Variants in SLC44A5 observed in about 807,000 individuals in gnomAD.
The protein encoded by SLC44A5 is solute carrier family 44 member 5, also known as choline transporter-like protein 5.
SLC44A5 carries 57 observed loss-of-function variants against 101.8 expected under a neutral mutation model. That is an observed-to-expected ratio of 0.56 (90% CI 0.45 to 0.70). The LOEUF is 0.70. Ranked by LOEUF, SLC44A5 falls within the 30% of genes least tolerant of loss-of-function variation. SLC44A5 has a pLI of 0.00. For missense variants in SLC44A5, 737 were observed against 853.1 expected (o/e 0.86, Z 1.70); for synonymous variants, 281 against 290.9 (o/e 0.97, Z 0.35).
At chr1:75,222,491 A>C in intron 13 of SLC44A5, 31 bp from the exon 14 acceptor site, 1 of 1,374,604 alleles carries the variant, frequency 7.3e-7, no homozygotes, top group Non-Finnish European at 1.0e-6. Flanking sequence ...ATCAGTCTGT[A>C]ATACAAGTAG....
At chr1:75,287,426 CTTTTTTTTT>C (rs371647505) in intron 5 of SLC44A5, among the ~76,000 whole-genome samples, 8 of 69,910 alleles carry the variant, frequency 1.1e-4, no homozygotes, top group South Asian at 1.2e-3. Flanking sequence ...CTTCTGAATT[CTTTTTTTTT>C]TTTTTTTTTT....
chr1:75,224,118 C>A (rs574856120), intron 13 of SLC44A5, among the ~76,000 whole-genome samples: 2 of 152,262 alleles, frequency 1.3e-5, no homozygotes, highest in African/African-American at 4.8e-5. Context: ...TATAAAATGC[C>A]AGTCCTGTAA....
intron 2 of SLC44A5, among the ~76,000 whole-genome samples, chr1:75,408,909 T>A (rs952206265): frequency 6.6e-6 from 1 of 152,136 alleles, no homozygotes; most frequent in African/African-American, 2.4e-5. Flanking sequence ...ACTTGTTGAA[T>A]GTTAATGCCT....
At chr1:75,258,153 T>G (rs1049094812) in intron 6 of SLC44A5, among the ~76,000 whole-genome samples, 2 of 152,080 alleles carry the variant, frequency 1.3e-5, no homozygotes, top group African/African-American at 2.4e-5. Context: ...CAGTTTTTTT[T>G]CATACCCCAG....
chr1:75,471,160 G>C (rs149770159), intron 2 of SLC44A5, among the ~76,000 whole-genome samples: 45 of 152,088 alleles, frequency 3.0e-4, no homozygotes, highest in African/African-American at 1.0e-3. Flanking sequence ...CGGCCTGGCT[G>C]TGTTTCTTTG....
chr1:75,638,222 A>T, the SLC44A5 span, among the ~76,000 whole-genome samples: 15 of 152,212 alleles, frequency 9.9e-5, no homozygotes, highest in Non-Finnish European at 1.5e-4. Flanking sequence ...GTACGATTAA[A>T]GCAAGTTTCA....
chr1:75,213,011 G>A lies in SLC44A5; in HGVS notation c.1962+694C>T, dbSNP rs117325656. Reference sequence around the variant, plus strand: ...TACCCTCGTGCAGGGGTCAGTTCATGACCAAAAACTGCCTGATGCAGCATA... The same window carrying A: ...TACCCTCGTGCAGGGGTCAGTTCATAACCAAAAACTGCCTGATGCAGCATA... On this transcript the variant is annotated intron_variant, in intron 22 of 23. Coordinates refer to ENST00000370859, the MANE Select transcript of SLC44A5 (RefSeq NM_001130058.2). Among the ~76,000 whole-genome samples, 52 of 152,230 alleles carry A rather than the reference G, an allele frequency of 3.4e-4. 1 individual carries two copies. The East Asian group carries it at 0.01, about 29-fold the overall frequency.
chr1:75,256,331 G>A (rs557398105), intron 6 of SLC44A5, among the ~76,000 whole-genome samples: 1 of 152,112 alleles, frequency 6.6e-6, no homozygotes, highest in South Asian at 2.1e-4. Context: ...GATTGAGATG[G>A]CAGAAAAGCA....
intron 10 of SLC44A5, 83 bp from the exon 11 acceptor site, chr1:75,237,153 G>T (rs2100583158): frequency 1.3e-6 from 1 of 783,200 alleles, no homozygotes. Context: ...AAGGGATTCT[G>T]CAAGGTGCTG....
chr1:75,500,076 G>T (rs951877963), intron 2 of SLC44A5, among the ~76,000 whole-genome samples: 2 of 152,204 alleles, frequency 1.3e-5, no homozygotes, highest in African/African-American at 4.8e-5. Context: ...ATGGCCATGT[G>T]TAGCACAGTC....
At chr1:75,714,679 G>A in the SLC44A5 span, among the ~76,000 whole-genome samples, 7 of 152,108 alleles carry the variant, frequency 4.6e-5, no homozygotes, top group Non-Finnish European at 1.0e-4. Flanking sequence ...AAAATCAGTA[G>A]TATTTTCTTT....
the SLC44A5 span, among the ~76,000 whole-genome samples, chr1:75,705,232 T>C: frequency 6.6e-6 from 1 of 152,224 alleles, no homozygotes; most frequent in Non-Finnish European, 1.5e-5. Context: ...TGTCCAATCA[T>C]AAGAGTGATC....
At chr1:75,500,234 C>G (rs1668883777) in intron 2 of SLC44A5, among the ~76,000 whole-genome samples, 2 of 152,158 alleles carry the variant, frequency 1.3e-5, no homozygotes, top group Non-Finnish European at 2.9e-5. Flanking sequence ...CTATCACAAT[C>G]AATACTGAAA....
intron 2 of SLC44A5, among the ~76,000 whole-genome samples, chr1:75,401,173 A>C (rs1262600761): frequency 2.6e-5 from 4 of 152,222 alleles, no homozygotes; most frequent in Non-Finnish European, 5.9e-5. Context: ...TAGGGCAAGA[A>C]ATGGAACCAG....
intron 1 of SLC44A5, among the ~76,000 whole-genome samples, chr1:75,583,237 G>A (rs1466097946): frequency 1.3e-5 from 2 of 152,064 alleles, no homozygotes; most frequent in African/African-American, 4.8e-5. Context: ...TCTGAATCCT[G>A]GGAGATGGCA....
chr1:75,616,938 T>A, the SLC44A5 span, among the ~76,000 whole-genome samples: 1 of 152,166 alleles, frequency 6.6e-6, no homozygotes, highest in African/African-American at 2.4e-5. Flanking sequence ...GCCACGTTCT[T>A]TCTCTCTCTG....
At chr1:75,410,121 T>C (rs935479996) in intron 2 of SLC44A5, among the ~76,000 whole-genome samples, 1 of 152,130 alleles carries the variant, frequency 6.6e-6, no homozygotes, top group African/African-American at 2.4e-5. Flanking sequence ...ATAGAGAGTA[T>C]ATGTTATATA....
At position 75,214,689 on chromosome 1, in the gene SLC44A5, C is replaced by T. The variant is rs781146858; in HGVS notation, c.1729-11G>A. 6.2e-7 allele frequency: 1 copy of T among 1,608,338 alleles called. No individual in the cohort carries two copies. Among genetic ancestry groups the T allele is most frequent in the Non-Finnish European group, 8.5e-7 (1 of 1,176,650 alleles). The stretch of plus-strand genomic sequence containing the variant: ...GCCATATATTGCAATCTGAGGAAGA[C>T]AGTGGCTATTATTCTGGAGCCAGTA... On this transcript the variant is annotated splice_polypyrimidine_tract_variant and intron_variant, in intron 19 of 23. Coordinates refer to ENST00000370859, the MANE Select transcript of SLC44A5 (RefSeq NM_001130058.2).
the SLC44A5 span, among the ~76,000 whole-genome samples, chr1:75,721,689 A>G: frequency 6.6e-6 from 1 of 152,262 alleles, no homozygotes; most frequent in South Asian, 2.1e-4. Flanking sequence ...TACAAAATCT[A>G]GAGGTACAAA....
Sources: allele counts gnomAD v4.1 joint callset (sites outside exome capture counted in the v4.1 genomes callset), GRCh38; gene constraint gnomAD v4.1.1; transcripts MANE v1.5; gene names NCBI Gene and HGNC (gene_info 2026-07-23, HGNC 2026-07-21).